Variants in TP53BP1 observed in about 807,000 individuals in gnomAD.
The protein encoded by TP53BP1 is TP53-binding protein 1.
TP53BP1 carries 61 observed loss-of-function variants against 200.8 expected under a neutral mutation model. The observed-to-expected ratio is 0.30, with a 90% CI of 0.25 to 0.38. TP53BP1 has a LOEUF of 0.38. Ranked by LOEUF, TP53BP1 falls within the 10% of genes least tolerant of loss-of-function variation. The pLI is 1.00. For missense variants in TP53BP1, 2,144 were observed against 2,371.9 expected, an observed-to-expected ratio of 0.90 and a Z score of 2.00; for synonymous variants, 822 against 844.3, an observed-to-expected ratio of 0.97 and a Z score of 0.46.
chr15:43,448,535 CA>C (rs200348811), intron 12 of TP53BP1, among the ~76,000 whole-genome samples: 5 of 151,286 alleles, frequency 3.3e-5, no homozygotes, highest in Non-Finnish European at 5.9e-5. Flanking sequence ...CAAAACAAAA[CA>C]AAAAAATTTT....
intron 18 of TP53BP1, among the ~76,000 whole-genome samples, chr15:43,427,086 A>G (rs1327928811): frequency 6.6e-6 from 1 of 152,074 alleles, no homozygotes; most frequent in Admixed American, 6.6e-5. Context: ...CCAGATCTTA[A>G]CATATACCAA....
Position 43,429,401 on chromosome 15 carries a change from C to T in TP53BP1, c.3676-1233G>A, listed in dbSNP as rs548984282. ...CCTCCCTCCTACACCCCACTAACTCCGTAATTCTGAAGAGAAAATGCACAC... is the reference window on the plus strand; with the variant it reads ...CCTCCCTCCTACACCCCACTAACTCTGTAATTCTGAAGAGAAAATGCACAC... On this transcript the variant is annotated intron_variant, in intron 17 of 27. Coordinates refer to ENST00000382044, the MANE Select transcript of TP53BP1 (RefSeq NM_001141980.3). Among the ~76,000 whole-genome samples the T allele has an allele frequency of 6.6e-5, 10 of 152,298 alleles. No individual in the cohort carries two copies. The South Asian group carries it at 1.2e-3, about 19-fold the overall frequency.
intron 8 of TP53BP1, 85 bp from the exon 9 acceptor site, chr15:43,475,779 C>A: frequency 2.1e-6 from 3 of 1,462,310 alleles, no homozygotes; most frequent in Non-Finnish European, 2.8e-6. Context: ...AGAGTAATAT[C>A]CATATTTCCA....
intron 5 of TP53BP1, among the ~76,000 whole-genome samples, chr15:43,480,684 C>T (rs1329486071): frequency 6.6e-6 from 1 of 152,132 alleles, no homozygotes; most frequent in Non-Finnish European, 1.5e-5. Context: ...GAAGAAAACT[C>T]AATATGCAGA....
At chr15:43,409,811 T>C (rs1179375158) in intron 24 of TP53BP1, 70 bp from the exon 25 acceptor site, 16 of 711,438 alleles carry the variant, frequency 2.2e-5, no homozygotes, top group Non-Finnish European at 2.7e-5. Flanking sequence ...TATGCCTCCT[T>C]CTTACTGCCC....
chr15:43,464,341 A>AAT (rs1326635374), intron 11 of TP53BP1, among the ~76,000 whole-genome samples: 1 of 152,258 alleles, frequency 6.6e-6, no homozygotes, highest in Non-Finnish European at 1.5e-5. Flanking sequence ...GGTATTTAAA[A>AAT]ATATATTCTG....
intron 11 of TP53BP1, among the ~76,000 whole-genome samples, chr15:43,462,622 T>C (rs935100434): frequency 1.2e-4 from 19 of 152,168 alleles, no homozygotes; most frequent in African/African-American, 4.6e-4. Context: ...GACCACATCT[T>C]CTGCAAGACA....
chr15:43,453,372 T>C (rs1284316742), intron 12 of TP53BP1, among the ~76,000 whole-genome samples: 2 of 152,050 alleles, frequency 1.3e-5, no homozygotes, highest in African/African-American at 4.8e-5. Flanking sequence ...CTCTTCAGAA[T>C]CAAATAATCT....
chr15:43,507,603 A>G (rs1439204427), intron 1 of TP53BP1, among the ~76,000 whole-genome samples: 1 of 152,190 alleles, frequency 6.6e-6, no homozygotes, highest in Admixed American at 6.5e-5. Context: ...TATAATTCAT[A>G]TATGTATTTA....
At chr15:43,437,826 T>G (rs1595554508) in intron 16 of TP53BP1, among the ~76,000 whole-genome samples, 1 of 152,228 alleles carries the variant, frequency 6.6e-6, no homozygotes. Flanking sequence ...TAGTCTGTTT[T>G]CTGCTGCTAT....
chr15:43,462,049 G>A (rs2046447291), intron 11 of TP53BP1, among the ~76,000 whole-genome samples: 1 of 150,336 alleles, frequency 6.7e-6, no homozygotes, highest in African/African-American at 2.4e-5. Context: ...AAAGCTAAGA[G>A]GGCCAGGTGT....
In TP53BP1 at chr15:43,475,556, C is replaced by A; in HGVS notation, c.1085+9G>T. ...CTGCCTTGGCATAAGCTATTTTAGG[C>A]TTACTTACGTGGAAAGACTGTCCTG... On this transcript the variant is annotated intron_variant, in intron 9 of 27. Coordinates refer to ENST00000382044, the MANE Select transcript of TP53BP1 (RefSeq NM_001141980.3). 1 of 1,613,952 alleles carries A rather than the reference C, an allele frequency of 6.2e-7. No homozygotes were observed. The highest frequency in any genetic ancestry group is 8.5e-7 in the Non-Finnish European group (1 of 1,179,954).
chr15:43,505,631 C>A (rs1175113509), intron 1 of TP53BP1, among the ~76,000 whole-genome samples: 1 of 152,190 alleles, frequency 6.6e-6, no homozygotes, highest in African/African-American at 2.4e-5. Flanking sequence ...TGCCCATTTA[C>A]TTAATGTGAA....
chr15:43,491,930 G>T, intron 3 of TP53BP1, 72 bp downstream of exon 3: 1 of 1,275,736 alleles, frequency 7.8e-7, no homozygotes, highest in Non-Finnish European at 1.1e-6. Context: ...ACCACATAAA[G>T]TTTAAATCCA....
intron 16 of TP53BP1, among the ~76,000 whole-genome samples, chr15:43,433,106 T>C (rs150314121): frequency 2.4e-4 from 37 of 152,210 alleles, no homozygotes; most frequent in African/African-American, 8.4e-4. Flanking sequence ...GGTTCTAACA[T>C]TCCTTAACTG....
At chr15:43,494,018 G>A (rs1260932147), upstream of TP53BP1, among the ~76,000 whole-genome samples, 6 of 152,140 alleles carry the variant, frequency 3.9e-5, no homozygotes, top group Non-Finnish European at 8.8e-5. Flanking sequence ...CTTAAAGAGG[G>A]TGTGGCAGCT....
intron 1 of TP53BP1, among the ~76,000 whole-genome samples, chr15:43,509,408 A>T (rs2079258589): frequency 6.6e-6 from 1 of 151,918 alleles, no homozygotes; most frequent in African/African-American, 2.4e-5. Flanking sequence ...GATTGCTGTA[A>T]AGTTTTTTGT....
At chr15:43,427,950 C>A in intron 18 of TP53BP1, 66 bp downstream of exon 18, 1 of 1,169,312 alleles carries the variant, frequency 8.6e-7, no homozygotes, top group Non-Finnish European at 1.2e-6. Context: ...AAGTAAGACC[C>A]TGTCTCCAAA....
rs1458304516 is a variant in TP53BP1 at position 43,408,006 on chromosome 15, C to G, written c.5683G>C (p.Glu1895Gln). The change falls in exon 27 of 28, where the codon GAG (glutamate) becomes CAG (glutamine). Residue 1895 changes from glutamate (E) to glutamine (Q), a missense_variant. Around this residue, in one of 4 missense-constraint regions of TP53BP1, gnomAD observed 334 missense variants for 453.4 expected, o/e 0.74. Coordinates refer to ENST00000382044, the MANE Select transcript of TP53BP1 (RefSeq NM_001141980.3). ...QQQNFLELWS[E>Q]ILMTGGAASV... ...GCTGCACCACCAGTCATGAGGATCT[C>G]AGACCAGAGCTCCAGGAAGTTCTGC... 1.7e-5 allele frequency: 28 copies of G among 1,613,980 alleles called. No homozygotes were observed. Among genetic ancestry groups the G allele is most frequent in the Non-Finnish European group, 2.4e-5 (28 of 1,180,032 alleles).
Sources: gnomAD v4.1 joint callset for allele counts (sites outside exome capture counted in the v4.1 genomes callset) on GRCh38, gnomAD v4.1.1 for gene constraint, gnomAD v4.1.1 regional missense constraint, MANE v1.5 for transcripts, NCBI Gene and HGNC (gene_info 2026-07-23, HGNC 2026-07-21) for gene names.